The following KLF13 variants were observed in gnomAD, a reference collection of about 807,000 sequenced individuals.
KLF13 encodes KLF transcription factor 13, also known as Krueppel-like factor 13.
A neutral mutation model predicts 16.7 loss-of-function variants in KLF13; 8 were observed. The ratio of observed to expected loss-of-function variants is 0.48; its 90% confidence interval spans 0.28 to 0.87. The LOEUF (loss-of-function observed/expected upper bound fraction) is 0.87, where lower values mean the gene tolerates loss of function less well. KLF13 is among the 40% of genes least tolerant of loss of function. The probability of loss-of-function intolerance (pLI) is 0.10; values close to 1 mark genes in which losing one functional copy is unlikely to be tolerated. For synonymous variants in KLF13, 245 were observed against 208.4 expected (o/e 1.18, Z -1.51); for missense variants, 447 against 452.2 (o/e 0.99, Z 0.10).
At chr15:31,413,231 T>G in intron 1 of KLF13, among the ~76,000 whole-genome samples, 1 of 133,602 alleles carries the variant, frequency 7.5e-6, no homozygotes. Flanking sequence ...GCCTCAGAGA[T>G]ATGCGGGACA....
intron 1 of KLF13, among the ~76,000 whole-genome samples, chr15:31,422,646 C>A (rs1476812663): frequency 6.6e-6 from 1 of 152,084 alleles, no homozygotes; most frequent in Non-Finnish European, 1.5e-5. Context: ...AAATTGCAAC[C>A]AAAAGAGAGC....
chr15:31,331,098 GAAT>G (rs1459018813), intron 1 of KLF13, among the ~76,000 whole-genome samples: 1 of 152,230 alleles, frequency 6.6e-6, no homozygotes, highest in East Asian at 1.9e-4. Context: ...GAGAGACCCT[GAAT>G]ACATTTCTAC....
chr15:31,381,092 AAC>A (rs1049155839), downstream of KLF13, among the ~76,000 whole-genome samples: 2 of 148,304 alleles, frequency 1.3e-5, no homozygotes, highest in Non-Finnish European at 3.0e-5. Context: ...GAACGGCTTG[AAC>A]CCGGGAGCTG....
downstream of KLF13, among the ~76,000 whole-genome samples, chr15:31,380,544 G>GT: frequency 6.6e-6 from 1 of 152,230 alleles, no homozygotes. Flanking sequence ...TGTTGGTCAT[G>GT]TTGGGGTGTG....
chr15:31,381,452 A>T (rs900685120), downstream of KLF13, among the ~76,000 whole-genome samples: 1 of 151,968 alleles, frequency 6.6e-6, no homozygotes, highest in Admixed American at 6.6e-5. Flanking sequence ...TGACCTCCTA[A>T]TCTCCCTCTT....
At chr15:31,424,286 AC>A (rs2040376918) in intron 1 of KLF13, among the ~76,000 whole-genome samples, 1 of 152,190 alleles carries the variant, frequency 6.6e-6, no homozygotes, top group Non-Finnish European at 1.5e-5. Context: ...AAAACTACAA[AC>A]TTCCCTGATT....
At chr15:31,360,230 C>T (rs796783520) in intron 1 of KLF13, among the ~76,000 whole-genome samples, 69 of 152,290 alleles carry the variant, frequency 4.5e-4, no homozygotes, top group African/African-American at 1.6e-3. Flanking sequence ...GGAAACAGGG[C>T]CAGCAGGATA....
chr15:31,352,898 T>C (rs1430446162), intron 1 of KLF13, among the ~76,000 whole-genome samples: 1 of 151,996 alleles, frequency 6.6e-6, no homozygotes, highest in Non-Finnish European at 1.5e-5. Flanking sequence ...ACTTGGAGTT[T>C]TTGTGGGGAG....
At chr15:31,420,130 G>A in intron 1 of KLF13, 1 of 412,306 alleles carries the variant, frequency 2.4e-6, no homozygotes, top group Non-Finnish European at 4.6e-6. Flanking sequence ...GCAGCCAAGT[G>A]GTCTCCCAAG....
chr15:31,393,540 C>T (rs1254791044), intron 1 of KLF13: 1 of 152,158 alleles, frequency 6.6e-6, no homozygotes, highest in Non-Finnish European at 1.5e-5. Context: ...GGTCCTCCCA[C>T]TACTCGTCTA....
intron 1 of KLF13, among the ~76,000 whole-genome samples, chr15:31,423,981 A>G (rs924118306): frequency 1.3e-5 from 2 of 152,194 alleles, no homozygotes; most frequent in Admixed American, 6.5e-5. Flanking sequence ...CAAATTTGAT[A>G]GCCTAGAAGA....
chr15:31,360,301 G>A (rs1001128274), intron 1 of KLF13, among the ~76,000 whole-genome samples: 2 of 152,202 alleles, frequency 1.3e-5, no homozygotes, highest in Non-Finnish European at 2.9e-5. Flanking sequence ...AAGAGGGTGG[G>A]CTTTGTCTCC....
intron 1 of KLF13, among the ~76,000 whole-genome samples, chr15:31,352,300 T>C (rs1307131511): frequency 6.6e-6 from 1 of 152,246 alleles, no homozygotes; most frequent in Non-Finnish European, 1.5e-5. Context: ...AGCAGAGGCT[T>C]GCCTGCTGCA....
chr15:31,338,140 A>G (rs1041613333), intron 1 of KLF13, among the ~76,000 whole-genome samples: 5 of 152,208 alleles, frequency 3.3e-5, no homozygotes, highest in African/African-American at 7.2e-5. Context: ...TGCTTTGGAC[A>G]AATTGTATCA....
At position 31,385,596 on chromosome 15, in the gene KLF13, G is replaced by C. The variant is rs2039786367; in HGVS notation, n.224-49774G>C. ...CATCTATTATGGTGATCTGTGATCAGTGATCTTTGATGTTACTCTTGTAAT... is the reference window on the plus strand; with the variant it reads ...CATCTATTATGGTGATCTGTGATCACTGATCTTTGATGTTACTCTTGTAAT... On this transcript the variant is annotated intron_variant and non_coding_transcript_variant, in intron 1 of 1. Coordinates refer to the KLF13 transcript ENST00000558921. Among the ~76,000 whole-genome samples the C allele has an allele frequency of 2.6e-5, 4 of 152,306 alleles. No individual in the cohort carries two copies. In the South Asian group the frequency reaches 8.3e-4, roughly 32 times the overall value.
chr15:31,329,181 G>T (rs1480408995), intron 1 of KLF13, among the ~76,000 whole-genome samples: 5 of 151,368 alleles, frequency 3.3e-5, no homozygotes, highest in Non-Finnish European at 7.4e-5. Context: ...GGCATTCGGG[G>T]TCAGTTAAGG....
At chr15:31,328,832 C>T (rs746921475) in intron 1 of KLF13, among the ~76,000 whole-genome samples, 64 of 152,292 alleles carry the variant, frequency 4.2e-4, no homozygotes, top group African/African-American at 1.5e-3. Context: ...TTGTATGCTT[C>T]CTCTGAGCTC....
At chr15:31,358,622 T>C (rs1423102701) in intron 1 of KLF13, among the ~76,000 whole-genome samples, 4 of 152,264 alleles carry the variant, frequency 2.6e-5, no homozygotes, top group Admixed American at 2.0e-4. Context: ...TTGAGTTCTT[T>C]ATGTATTTTA....
At chr15:31,392,369 G>C (rs1240198021), upstream of KLF13, among the ~76,000 whole-genome samples, 1 of 152,208 alleles carries the variant, frequency 6.6e-6, no homozygotes, top group Non-Finnish European at 1.5e-5. Flanking sequence ...CCGCGGGCTG[G>C]GGCGCCGAGT....
Sources: gnomAD v4.1 joint callset for allele counts (sites outside exome capture counted in the v4.1 genomes callset) on GRCh38, gnomAD v4.1.1 for gene constraint, MANE v1.5 for transcripts, NCBI Gene and HGNC (gene_info 2026-07-23, HGNC 2026-07-21) for gene names.